Variants in FASTKD1 observed in about 807,000 individuals in gnomAD.
The protein encoded by FASTKD1 is FAST kinase domains 1, also known as FAST kinase domain-containing protein 1, mitochondrial.
Under a neutral mutation model 90.9 loss-of-function variants are expected in FASTKD1, and 94 were observed. The ratio of observed to expected loss-of-function variants is 1.03; its 90% CI spans 0.88 to 1.23. The LOEUF (loss-of-function observed/expected upper bound fraction) is 1.23, where lower values mean the gene tolerates loss of function less well. FASTKD1 is among the 50% of genes most tolerant of loss of function. The probability of loss-of-function intolerance (pLI) is 0.00; values close to 1 mark genes in which losing one functional copy is unlikely to be tolerated. For synonymous variants in FASTKD1, 319 were observed against 345.8 expected, an observed-to-expected ratio of 0.92 and a Z score of 0.86; for missense variants, 945 against 993.5, an observed-to-expected ratio of 0.95 and a Z score of 0.66.
Position 169,562,055 on chromosome 2 carries a change from T to G in FASTKD1, c.572+1170A>C. Among the ~76,000 whole-genome samples, 2 of 129,942 alleles carry G rather than the reference T, an allele frequency of 1.5e-5. 1 individual carries two copies. The highest frequency in any genetic ancestry group is 5.8e-5 in the African/African-American group (2 of 34,300). 85.2% of individuals were successfully genotyped at this position (129,942 alleles called of 152,430 possible). ...TATTAATTTATTGTAAATTAATTAT[T>G]TATTAATTTATTGTAAAATAATTAT... On this transcript the variant is annotated intron_variant, in intron 4 of 14. Coordinates refer to ENST00000453153, the MANE Select transcript of FASTKD1 (RefSeq NM_024622.6).
intron 12 of FASTKD1, among the ~76,000 whole-genome samples, chr2:169,533,328 T>C (rs1445412212): frequency 3.3e-5 from 5 of 152,304 alleles, no homozygotes; most frequent in African/African-American, 9.6e-5. Flanking sequence ...CAGATGGAAC[T>C]CTGGTGAAAA....
At chr2:169,543,160 TG>T (rs966126456) in intron 9 of FASTKD1, among the ~76,000 whole-genome samples, 3 of 152,106 alleles carry the variant, frequency 2.0e-5, no homozygotes, top group South Asian at 2.1e-4. Context: ...TACTCAATGC[TG>T]GTTGTTTAAA....
chr2:169,544,596 C>T, intron 9 of FASTKD1, 125 bp downstream of exon 9: 1 of 652,578 alleles, frequency 1.5e-6, no homozygotes. Flanking sequence ...AACAAAAAAC[C>T]TTTTTTTAGG....
chr2:169,543,138 A>T (rs1574377203), intron 9 of FASTKD1, among the ~76,000 whole-genome samples: 1 of 152,178 alleles, frequency 6.6e-6, no homozygotes, highest in South Asian at 2.1e-4. Context: ...AAGATGGAGG[A>T]AAAGACATAA....
At chr2:169,569,122 T>C in intron 3 of FASTKD1, 62 bp downstream of exon 3, 1 of 1,383,594 alleles carries the variant, frequency 7.2e-7, no homozygotes, top group Middle Eastern at 1.8e-4. Flanking sequence ...CCCTTCAAGA[T>C]TTCACTCTGT....
At chr2:169,539,430 C>A (rs1684871552) in intron 10 of FASTKD1, among the ~76,000 whole-genome samples, 1 of 151,106 alleles carries the variant, frequency 6.6e-6, no homozygotes, top group Admixed American at 6.6e-5. Flanking sequence ...GGCAACATAG[C>A]AAAACTCTGT....
At chr2:169,560,354 CA>C in intron 5 of FASTKD1, 32 bp downstream of exon 5, 6 of 1,503,628 alleles carry the variant, frequency 4.0e-6, no homozygotes, top group African/African-American at 1.4e-5. Context: ...GTATTCACAA[CA>C]AAAAAAGTAA....
chr2:169,566,665 T>C (rs966587894), intron 3 of FASTKD1, among the ~76,000 whole-genome samples: 4 of 152,146 alleles, frequency 2.6e-5, no homozygotes, highest in African/African-American at 9.7e-5. Flanking sequence ...TGAGCCCTGG[T>C]TGTACCACTG....
At position 169,544,792 on chromosome 2, in the gene FASTKD1, A is replaced by G; in HGVS notation, c.1745T>C (p.Val582Ala). 1.2e-6 allele frequency: 2 copies of G among 1,612,982 alleles called. No homozygotes were observed. Among genetic ancestry groups the G allele is most frequent in the Non-Finnish European group, 1.7e-6 (2 of 1,179,124 alleles). The change falls in exon 9 of 15, where the codon GTA becomes GCA. Residue 582 changes from valine (V) to alanine (A), a missense_variant. Coordinates refer to ENST00000453153, the MANE Select transcript of FASTKD1 (RefSeq NM_024622.6). ...CCTTTGAGGTGGATCATAGTTCAAT[A>G]CGCTGAATGGACGAATAATAGCAGG... ...TIPAIIRPFS[V>A]LNYDPPQRDE...
Position 169,538,130 on chromosome 2 carries a change from A to G in FASTKD1, c.1957T>C (p.Ser653Pro). The G allele has an allele frequency of 6.2e-7, 1 of 1,600,602 alleles. No homozygotes were observed. Among genetic ancestry groups the G allele is most frequent in the Non-Finnish European group, 8.5e-7 (1 of 1,176,232 alleles). ...LDSQLEILSP[S>P]RSARVQFHLM... is the part of the protein sequence containing the mutation. ...TGAAACTGGACTCTTGCACTTCGAGATGGAGATAAAACTGAAATTAATAAA... is the reference window on the plus strand; with the variant it reads ...TGAAACTGGACTCTTGCACTTCGAGGTGGAGATAAAACTGAAATTAATAAA... The change falls in exon 11 of 15, where the codon TCT becomes CCT. Residue 653 changes from serine to proline, a missense_variant. Physicochemically the swap from Ser to Pro is moderately conservative, Grantham distance 74. Transcript: ENST00000453153.
chr2:169,548,004 A>C (rs1230502538), intron 7 of FASTKD1, among the ~76,000 whole-genome samples: 3 of 150,614 alleles, frequency 2.0e-5, no homozygotes, highest in South Asian at 2.1e-4. Context: ...TCAAAAAAAA[A>C]AAAACAAAAC....
intron 3 of FASTKD1, among the ~76,000 whole-genome samples, chr2:169,568,523 T>C (rs1044184546): frequency 8.0e-5 from 12 of 149,318 alleles, no homozygotes; most frequent in African/African-American, 2.5e-4. Flanking sequence ...CCAGGCATGG[T>C]GGCTCATGCA....
chr2:169,547,152 G>A (rs986856260), intron 7 of FASTKD1, among the ~76,000 whole-genome samples: 1 of 152,214 alleles, frequency 6.6e-6, no homozygotes, highest in African/African-American at 2.4e-5. Flanking sequence ...CAGGGAAGCA[G>A]TTGTTTATGT....
At chr2:169,568,499 T>G (rs1319772740) in intron 3 of FASTKD1, among the ~76,000 whole-genome samples, 1 of 150,944 alleles carries the variant, frequency 6.6e-6, no homozygotes, top group Non-Finnish European at 1.5e-5. Context: ...TTTTCTCTCT[T>G]AAAGAATACA....
chr2:169,531,479 T>C lies in FASTKD1; in HGVS notation c.2200A>G (p.Ile734Val). The change falls in exon 13 of 15, where the codon ATC becomes GTC. Residue 734 changes from isoleucine to valine, a missense_variant. Coordinates refer to ENST00000453153, the MANE Select transcript of FASTKD1 (RefSeq NM_024622.6). Reference protein sequence around the residue: ...PYYHKVDFECILDKRKKPLPY... With the variant: ...PYYHKVDFECVLDKRKKPLPY... ...AGAGGTTTTTTTCTTTTATCCAAGA[T>C]ACACTCAAAATCTTAAGGAAGCATA... is the stretch of plus-strand genomic sequence containing the variant. The C allele has an allele frequency of 6.2e-7, 1 of 1,605,446 alleles. No individual in the cohort carries two copies. Among genetic ancestry groups the C allele is most frequent in the Non-Finnish European group, 8.5e-7 (1 of 1,177,650 alleles).
chr2:169,568,978 G>A (rs1430984764), intron 3 of FASTKD1, among the ~76,000 whole-genome samples: 3 of 146,828 alleles, frequency 2.0e-5, no homozygotes, highest in Non-Finnish European at 4.5e-5. Context: ...CAGCCTGGGC[G>A]ACAGAGTGAG....
chr2:169,534,438 T>C (rs889690650), intron 12 of FASTKD1, among the ~76,000 whole-genome samples: 1 of 148,054 alleles, frequency 6.8e-6, no homozygotes, highest in Non-Finnish European at 1.5e-5. Flanking sequence ...CTGTGAAAAA[T>C]AAATTTCTGT....
At chr2:169,562,778 A>G (rs1329644252) in intron 4 of FASTKD1, among the ~76,000 whole-genome samples, 2 of 152,126 alleles carry the variant, frequency 1.3e-5, no homozygotes, top group Non-Finnish European at 2.9e-5. Context: ...TAAAAGATTC[A>G]GGTTTCCTAA....
At chr2:169,531,537 CAGATAAAAGT>C (rs1684492387) in intron 12 of FASTKD1, 47 bp from the exon 13 acceptor site, 12 of 1,464,754 alleles carry the variant, frequency 8.2e-6, no homozygotes, top group Non-Finnish European at 1.1e-5. Context: ...TAAAGTCTTA[CAGATAAAAGT>C]TTAAGATATA....
Sources: gnomAD v4.1 joint callset for allele counts (sites outside exome capture counted in the v4.1 genomes callset) on GRCh38, gnomAD v4.1.1 for gene constraint, MANE v1.5 for transcripts, NCBI Gene and HGNC (gene_info 2026-07-23, HGNC 2026-07-21) for gene names.